Variants in GABRB2 observed in about 807,000 individuals in gnomAD.
GABRB2 encodes the protein gamma-aminobutyric acid receptor subunit beta-2.
Under a neutral mutation model 54.7 loss-of-function variants are expected in GABRB2, and 16 were observed. That is an observed-to-expected ratio of 0.29 (90% CI 0.20 to 0.44). The LOEUF (loss-of-function observed/expected upper bound fraction) is 0.44, where lower values mean the gene tolerates loss of function less well. Ranked by LOEUF, GABRB2 falls within the 20% of genes least tolerant of loss-of-function variation. GABRB2 has a pLI of 1.00. For missense variants in GABRB2, 355 were observed against 644.0 expected (o/e 0.55, Z 4.86); for synonymous variants, 244 against 233.8 (o/e 1.04, Z -0.40).
At chr5:161,415,358 T>C (rs941314790) in intron 4 of GABRB2, among the ~76,000 whole-genome samples, 2 of 152,212 alleles carry the variant, frequency 1.3e-5, no homozygotes, top group African/African-American at 4.8e-5. Context: ...TAAGAGATAT[T>C]TGGGTAAATG....
chr5:161,402,614 T>C (rs1457920591), intron 5 of GABRB2, among the ~76,000 whole-genome samples: 2 of 152,162 alleles, frequency 1.3e-5, no homozygotes, highest in East Asian at 3.9e-4. Context: ...AGGATTTGGA[T>C]GAAGCAGGGC....
intron 3 of GABRB2, among the ~76,000 whole-genome samples, chr5:161,476,711 A>G (rs188197744): frequency 1.3e-5 from 2 of 152,038 alleles, no homozygotes; most frequent in African/African-American, 4.8e-5. Flanking sequence ...TCTTCAACAA[A>G]TGGTATTGGG....
chr5:161,500,842 T>G (rs1759412172), intron 3 of GABRB2, among the ~76,000 whole-genome samples: 1 of 152,180 alleles, frequency 6.6e-6, no homozygotes, highest in African/African-American at 2.4e-5. Context: ...TTTTTTTCTT[T>G]TATTATTATA....
intron 4 of GABRB2, among the ~76,000 whole-genome samples, chr5:161,429,363 A>AAAAAAAAG (rs1217636539): frequency 6.7e-6 from 1 of 149,596 alleles, no homozygotes; most frequent in Non-Finnish European, 1.5e-5. Flanking sequence ...AAAAAAGAAA[A>AAAAAAAAG]AGAAAAAAAA....
At chr5:161,387,593 T>G (rs1755685830) in intron 5 of GABRB2, among the ~76,000 whole-genome samples, 1 of 152,134 alleles carries the variant, frequency 6.6e-6, no homozygotes. Context: ...ACAGAATCCA[T>G]CTACTACCTA....
intron 9 of GABRB2, among the ~76,000 whole-genome samples, chr5:161,321,724 G>A (rs1758216846): frequency 6.6e-6 from 1 of 152,076 alleles, no homozygotes; most frequent in Non-Finnish European, 1.5e-5. Flanking sequence ...ATGCTGTGGA[G>A]TATACTGAAA....
chr5:161,508,779 G>A (rs1759680246), intron 3 of GABRB2, among the ~76,000 whole-genome samples: 1 of 151,938 alleles, frequency 6.6e-6, no homozygotes, highest in South Asian at 2.1e-4. Flanking sequence ...AAATAGTGTA[G>A]GCCAAATTAT....
rs188153630 is a variant in GABRB2, at chr5:161,467,642, T to C, written c.238-7798A>G. 6.2e-4 allele frequency among the ~76,000 whole-genome samples: 95 copies of C among 152,208 alleles called. No homozygotes were observed. The East Asian group carries it at 0.014, about 22-fold the overall frequency. On this transcript the variant is annotated intron_variant, in intron 3 of 9. Coordinates refer to ENST00000393959, the MANE Select transcript of GABRB2 (RefSeq NM_001371727.1). ...TCAGTATTTCCACTTTTCAAAAATA[T>C]GACACAACAGGACTGATTTCCAAAG...
chr5:161,424,519 T>C (rs1756940783), intron 4 of GABRB2, among the ~76,000 whole-genome samples: 1 of 152,136 alleles, frequency 6.6e-6, no homozygotes, highest in Non-Finnish European at 1.5e-5. Context: ...TAATAGCACA[T>C]CTGTTTACAG....
intron 5 of GABRB2, among the ~76,000 whole-genome samples, chr5:161,405,436 A>G (rs1756322590): frequency 1.3e-5 from 2 of 152,116 alleles, no homozygotes; most frequent in African/African-American, 4.8e-5. Context: ...TGATTATCTT[A>G]TTACCTTTAA....
At chr5:161,523,831 T>G (rs957723124) in intron 3 of GABRB2, among the ~76,000 whole-genome samples, 1 of 151,274 alleles carries the variant, frequency 6.6e-6, no homozygotes, top group Non-Finnish European at 1.5e-5. Flanking sequence ...GTATAAAAGC[T>G]TCCAGAGAAA....
intron 9 of GABRB2, among the ~76,000 whole-genome samples, chr5:161,296,770 C>A (rs1757392100): frequency 6.6e-6 from 1 of 152,196 alleles, no homozygotes; most frequent in African/African-American, 2.4e-5. Context: ...GTGGGAATAA[C>A]AATCTCCAAA....
At chr5:161,409,995 T>G (rs1379143628) in intron 5 of GABRB2, among the ~76,000 whole-genome samples, 1 of 152,164 alleles carries the variant, frequency 6.6e-6, no homozygotes, top group Non-Finnish European at 1.5e-5. Context: ...ATCCACAATG[T>G]GTCACAAATG....
chr5:161,411,955 T>G (rs773043917), intron 4 of GABRB2, among the ~76,000 whole-genome samples: 1 of 152,056 alleles, frequency 6.6e-6, no homozygotes. Context: ...ACAGAGTACT[T>G]GGCACATAGT....
intron 3 of GABRB2, among the ~76,000 whole-genome samples, chr5:161,479,339 A>G (rs1443120123): frequency 1.3e-5 from 2 of 152,024 alleles, no homozygotes; most frequent in Non-Finnish European, 2.9e-5. Context: ...CCCAACCACC[A>G]CACAGCTTAC....
chr5:161,453,288 ATTGTCCTGAG>A (rs1184696661), intron 4 of GABRB2, among the ~76,000 whole-genome samples: 1 of 152,188 alleles, frequency 6.6e-6, no homozygotes. Context: ...TTATAATTAG[ATTGTCCTGAG>A]TTATCAACAG....
At chr5:161,440,453 G>A (rs184449906) in intron 4 of GABRB2, among the ~76,000 whole-genome samples, 228 of 152,084 alleles carry the variant, frequency 1.5e-3, no homozygotes, top group Non-Finnish European at 2.8e-3. Context: ...ACTTATACCC[G>A]ACAAAATATA....
intron 2 of GABRB2, among the ~76,000 whole-genome samples, chr5:161,545,748 CAG>C (rs1337988574): frequency 1.3e-5 from 2 of 152,042 alleles, no homozygotes; most frequent in Admixed American, 1.3e-4. Context: ...GGGCTGCAGC[CAG>C]AGAGAGATTC....
intron 5 of GABRB2, among the ~76,000 whole-genome samples, chr5:161,369,533 GGA>G (rs70990780): frequency 0.02 from 2,951 of 146,070 alleles, 39 homozygotes; most frequent in Middle Eastern, 0.085. Flanking sequence ...AGGAGGAGAG[GGA>G]GAGAGAGAGA....
Sources: allele counts gnomAD v4.1 joint callset (sites outside exome capture counted in the v4.1 genomes callset), GRCh38; gene constraint gnomAD v4.1.1; transcripts MANE v1.5; gene names NCBI Gene and HGNC (gene_info 2026-07-23, HGNC 2026-07-21).